ERC2: variants seen among roughly 807,000 people sequenced by gnomAD.
ERC2 encodes the protein ERC protein 2.
In ERC2, 42 loss-of-function variants were observed where a neutral mutation model predicts 114.8. The observed-to-expected ratio is 0.37, with a 90% CI of 0.29 to 0.47. ERC2 has a LOEUF of 0.47. Among genes scored for constraint, ERC2 ranks in the 20% least tolerant of loss-of-function variants. The pLI is 0.99. For missense variants in ERC2, 939 were observed against 1,150.7 expected, an observed-to-expected ratio of 0.82 and a Z score of 2.66; for synonymous variants, 454 against 425.5, an observed-to-expected ratio of 1.07 and a Z score of -0.82.
At chr3:55,567,799 CA>C (rs1249584550) in intron 17 of ERC2, among the ~76,000 whole-genome samples, 6 of 152,070 alleles carry the variant, frequency 3.9e-5, no homozygotes, top group Non-Finnish European at 7.4e-5. Flanking sequence ...CCCATGAAGC[CA>C]GGGGGAGGGA....
intron 14 of ERC2, among the ~76,000 whole-genome samples, chr3:55,813,933 T>C (rs957971252): frequency 6.6e-6 from 1 of 152,130 alleles, no homozygotes; most frequent in Non-Finnish European, 1.5e-5. Flanking sequence ...TGTAACCCTC[T>C]TGGCTACTGG....
chr3:55,533,287 G>A lies in ERC2; in HGVS notation c.*40-22011C>T, dbSNP rs1026185236. The stretch of plus-strand genomic sequence containing the variant: ...GGCTCAGGGTGCTTGGGTGAGAGAC[G>A]GGGCAGAGGGAGAAGAACATGACTA... On this transcript the variant is annotated intron_variant, in intron 17 of 17. Coordinates refer to ENST00000288221, the MANE Select transcript of ERC2 (RefSeq NM_015576.3). Among the ~76,000 whole-genome samples the A allele has an allele frequency of 5.3e-5, 8 of 152,306 alleles. No homozygotes were observed. The South Asian group carries it at 8.3e-4, about 16-fold the overall frequency.
At chr3:56,314,637 C>T (rs1276060852) in intron 2 of ERC2, among the ~76,000 whole-genome samples, 1 of 151,704 alleles carries the variant, frequency 6.6e-6, no homozygotes, top group Non-Finnish European at 1.5e-5. Flanking sequence ...CATAAAATAG[C>T]ACATAAAAAA....
intron 17 of ERC2, among the ~76,000 whole-genome samples, chr3:55,519,753 C>T (rs543941256): frequency 6.6e-6 from 1 of 152,206 alleles, no homozygotes; most frequent in Non-Finnish European, 1.5e-5. Context: ...TAAATTTAGG[C>T]TGGACATCAT....
At chr3:55,806,053 T>C (rs1476894979) in intron 14 of ERC2, among the ~76,000 whole-genome samples, 1 of 151,950 alleles carries the variant, frequency 6.6e-6, no homozygotes, top group Non-Finnish European at 1.5e-5. Flanking sequence ...AAAGAAGATA[T>C]GAGGGGCTGG....
At chr3:55,773,799 T>C (rs1323405461) in intron 14 of ERC2, among the ~76,000 whole-genome samples, 2 of 152,246 alleles carry the variant, frequency 1.3e-5, no homozygotes, top group Non-Finnish European at 2.9e-5. Context: ...CTCGCCTTCT[T>C]GCAAGTGCAC....
At chr3:56,282,678 G>GTGCTGCTGCTGCTGCTGC (rs57092549) in intron 3 of ERC2, among the ~76,000 whole-genome samples, 4 of 151,102 alleles carry the variant, frequency 2.6e-5, no homozygotes, top group African/African-American at 9.7e-5. Flanking sequence ...TCTAACAGTG[G>GTGCTGCTGCTGCTGCTGC]TGCTGCTGCT....
intron 14 of ERC2, among the ~76,000 whole-genome samples, chr3:55,786,425 CAATT>C (rs1036270254): frequency 1.3e-5 from 2 of 152,176 alleles, no homozygotes; most frequent in East Asian, 1.9e-4. Flanking sequence ...TCAAGCCTCA[CAATT>C]AATTCCATGT....
chr3:56,190,546 C>G (rs753262985), intron 3 of ERC2, among the ~76,000 whole-genome samples: 4 of 152,320 alleles, frequency 2.6e-5, no homozygotes, highest in Admixed American at 2.0e-4. Context: ...GCGATCCCCC[C>G]ACCTCAGCCT....
intron 3 of ERC2, among the ~76,000 whole-genome samples, chr3:56,256,302 G>A (rs11130506): frequency 6.6e-6 from 1 of 152,012 alleles, no homozygotes; most frequent in African/African-American, 2.4e-5. Flanking sequence ...ATTTCCAACA[G>A]GTGATTAAAA....
intron 3 of ERC2, among the ~76,000 whole-genome samples, chr3:56,274,130 C>T (rs1482505144): frequency 1.3e-5 from 2 of 152,172 alleles, no homozygotes; most frequent in African/African-American, 4.8e-5. Flanking sequence ...GGCAAGGGAG[C>T]ATTACCGCCT....
intron 6 of ERC2, among the ~76,000 whole-genome samples, chr3:56,110,512 A>G (rs1228470597): frequency 6.6e-6 from 1 of 152,172 alleles, no homozygotes; most frequent in Non-Finnish European, 1.5e-5. Context: ...TAAAAACTCA[A>G]AACCCTGAAT....
At chr3:55,604,819 C>G (rs2058571732) in intron 17 of ERC2, among the ~76,000 whole-genome samples, 1 of 152,186 alleles carries the variant, frequency 6.6e-6, no homozygotes, top group African/African-American at 2.4e-5. Context: ...TACGTAGTTA[C>G]TCTCCCTTTA....
In ERC2 at chr3:56,342,003, T is replaced by A. The variant is rs1483964215; in HGVS notation, c.658-45568A>T. 2.0e-5 allele frequency among the ~76,000 whole-genome samples: 3 copies of A among 152,132 alleles called. No individual in the cohort carries two copies. In the East Asian group the frequency reaches 5.8e-4, roughly 29 times the overall value. On this transcript the variant is annotated intron_variant, in intron 2 of 17. Transcript: ENST00000288221. ...GTGCCAAAGGGAAGCAAGCATGTGG[T>A]CCTATTACCAATGATCTTAGAACCT...
chr3:56,043,264 A>G (rs1025428739), intron 7 of ERC2, among the ~76,000 whole-genome samples: 9 of 152,202 alleles, frequency 5.9e-5, no homozygotes, highest in African/African-American at 2.2e-4. Flanking sequence ...TGTACTCCCC[A>G]AATAAAATAA....
chr3:55,863,675 C>T (rs1177509948), intron 14 of ERC2, among the ~76,000 whole-genome samples: 6 of 151,910 alleles, frequency 3.9e-5, no homozygotes, highest in African/African-American at 1.5e-4. Context: ...AATAGAAATA[C>T]AGCACAAACC....
chr3:55,609,770 G>A (rs528193120), intron 17 of ERC2, among the ~76,000 whole-genome samples: 14 of 152,176 alleles, frequency 9.2e-5, no homozygotes, highest in Admixed American at 2.6e-4. Flanking sequence ...GCAGGAGGAA[G>A]CACTTTAATC....
At chr3:55,988,216 A>G (rs1475574212) in intron 11 of ERC2, among the ~76,000 whole-genome samples, 4 of 152,204 alleles carry the variant, frequency 2.6e-5, no homozygotes, top group Non-Finnish European at 5.9e-5. Context: ...TCTGTAATAT[A>G]CGTGACATCT....
intron 6 of ERC2, among the ~76,000 whole-genome samples, chr3:56,120,248 T>A (rs987692603): frequency 2.6e-5 from 4 of 152,158 alleles, no homozygotes; most frequent in Admixed American, 6.5e-5. Context: ...AGCTTTCGAT[T>A]GGGCGCCGGC....
Sources: allele counts gnomAD v4.1 joint callset (sites outside exome capture counted in the v4.1 genomes callset), GRCh38; gene constraint gnomAD v4.1.1; transcripts MANE v1.5; gene names NCBI Gene and HGNC (gene_info 2026-07-23, HGNC 2026-07-21).